Variants in PRDM1 observed in about 807,000 individuals in gnomAD.
PRDM1 encodes the protein PR/SET domain 1.
PRDM1 carries 13 observed loss-of-function variants against 62.8 expected under a neutral mutation model. The ratio of observed to expected loss-of-function variants is 0.21; its 90% CI spans 0.13 to 0.33. The LOEUF (loss-of-function observed/expected upper bound fraction) is 0.33. Ranked by LOEUF, PRDM1 falls within the 10% of genes least tolerant of loss-of-function variation. PRDM1 has a pLI of 1.00. For synonymous variants in PRDM1, 396 were observed against 417.6 expected (o/e 0.95, Z 0.63); for missense variants, 895 against 1,058.8 (o/e 0.85, Z 2.15).
intron 1 of PRDM1, among the ~76,000 whole-genome samples, chr6:106,000,155 A>G (rs117480495): frequency 0.017 from 2,589 of 152,330 alleles, 34 homozygotes; most frequent in South Asian, 0.036. Flanking sequence ...GGCATTATCT[A>G]TGTATTTCAA....
At chr6:106,062,639 T>C (rs1310406137) in intron 1 of PRDM1, among the ~76,000 whole-genome samples, 1 of 152,214 alleles carries the variant, frequency 6.6e-6, no homozygotes, top group African/African-American at 2.4e-5. Flanking sequence ...AGGTTTTGAA[T>C]AGCTTTCAAA....
chr6:106,029,838 C>T (rs1412607822), intron 1 of PRDM1, among the ~76,000 whole-genome samples: 1 of 152,016 alleles, frequency 6.6e-6, no homozygotes, highest in African/African-American at 2.4e-5. Context: ...AGGCTGGTCT[C>T]GAACCCCTGG....
At chr6:106,051,151 A>C (rs1209604953) in intron 1 of PRDM1, among the ~76,000 whole-genome samples, 1 of 152,238 alleles carries the variant, frequency 6.6e-6, no homozygotes, top group African/African-American at 2.4e-5. Flanking sequence ...ATTGAGCCCG[A>C]CTGAAGAGAA....
rs372214780 is a variant in PRDM1, at chr6:106,107,069, C to T, written c.2061C>T (p.His687=). The T allele has an allele frequency of 6.2e-7, 1 of 1,614,246 alleles. No homozygotes were observed. Among genetic ancestry groups the T allele is most frequent in the East Asian group, 2.2e-5 (1 of 44,890 alleles). Residue 687 remains histidine, a synonymous_variant, in exon 7 of 7, where the codon CAC becomes CAT. Transcript: ENST00000369096. ...HKRLHTRERP[H]KCSQCHKNYI... is the part of the protein sequence containing the mutation. ...GTCTGCACACCCGGGAGCGGCCCCACAAGTGCTCCCAGTGCCACAAGAACT... is the reference window on the plus strand; with the variant it reads ...GTCTGCACACCCGGGAGCGGCCCCATAAGTGCTCCCAGTGCCACAAGAACT...
Position 106,013,153 on chromosome 6 carries a change from A to T in PRDM1, c.-67+19514A>T, listed in dbSNP as rs571684092. Among the ~76,000 whole-genome samples, 153 of 151,152 alleles carry T rather than the reference A, an allele frequency of 1.0e-3. 2 individuals carry two copies. Among genetic ancestry groups the T allele is most frequent in the Admixed American group, 9.9e-3 (151 of 15,194 alleles). On this transcript the variant is annotated intron_variant, in intron 1 of 6. Transcript: ENST00000652320. ...ACCTCCTCAGCCTCCCAAAGTGCTGAGATTACAGGTGTGAGCCATCATGCC... is the reference window on the plus strand; with the variant it reads ...ACCTCCTCAGCCTCCCAAAGTGCTGTGATTACAGGTGTGAGCCATCATGCC...
At chr6:106,032,590 A>G (rs1009168328) in intron 1 of PRDM1, among the ~76,000 whole-genome samples, 1 of 152,108 alleles carries the variant, frequency 6.6e-6, no homozygotes, top group African/African-American at 2.4e-5. Context: ...GGCTTGTGCC[A>G]CCACACCCAG....
chr6:106,020,596 C>T (rs542932767), intron 1 of PRDM1, among the ~76,000 whole-genome samples: 2 of 152,260 alleles, frequency 1.3e-5, no homozygotes, highest in Admixed American at 6.5e-5. Context: ...TATAGACCAA[C>T]CTGGATCCAG....
chr6:106,050,609 T>C (rs1336392797), intron 1 of PRDM1, among the ~76,000 whole-genome samples: 1 of 152,244 alleles, frequency 6.6e-6, no homozygotes, highest in Non-Finnish European at 1.5e-5. Context: ...TGCTAGGTTC[T>C]CTCCCTTCAT....
rs375583412 is a variant in PRDM1 at position 106,098,876 on chromosome 6, AGCC to A, written c.412-422_412-420del. 368 of 1,513,502 alleles carry A rather than the reference AGCC, an allele frequency of 2.4e-4. 3 individuals carry two copies. In the East Asian group the frequency reaches 7.2e-3, roughly 29 times the overall value. 93.8% of individuals were successfully genotyped at this position (1,513,502 alleles called of 1,614,324 possible). A position where few individuals can be genotyped will look rare whatever the true frequency, so the allele number is the denominator to read the frequency against. On this transcript the variant is annotated intron_variant, in intron 3 of 6. Transcript: ENST00000369096. Reference sequence around the variant, plus strand: ...AGCTAAGACTCAGTTTGACGTCGTCAGCCGGCTTGGTCTTCTACCCAGTGACTC... The same window carrying A: ...AGCTAAGACTCAGTTTGACGTCGTCAGGCTTGGTCTTCTACCCAGTGACTC...
chr6:106,099,107 AGT>A (rs1423414368), intron 3 of PRDM1, 191 bp from the exon 4 acceptor site: 2 of 1,613,912 alleles, frequency 1.2e-6, no homozygotes, highest in Non-Finnish European at 8.5e-7. Context: ...AACTGACAAA[AGT>A]GTGCCTTACC....
chr6:106,062,722 T>G (rs1773363738), intron 1 of PRDM1, among the ~76,000 whole-genome samples: 1 of 152,202 alleles, frequency 6.6e-6, no homozygotes, highest in Non-Finnish European at 1.5e-5. Context: ...TTGACTAAGT[T>G]TTGGCTTGCT....
intron 1 of PRDM1, among the ~76,000 whole-genome samples, chr6:106,034,635 C>CTCTTTTT (rs745833853): frequency 0.012 from 1,039 of 88,282 alleles, 20 homozygotes; most frequent in Middle Eastern, 0.019. Flanking sequence ...TGTTCTCTCT[C>CTCTTTTT]TTTTTTTTTT....
intron 1 of PRDM1, among the ~76,000 whole-genome samples, chr6:106,058,082 C>G (rs1320286503): frequency 6.6e-6 from 1 of 152,176 alleles, no homozygotes; most frequent in African/African-American, 2.4e-5. Flanking sequence ...ACATACCACC[C>G]TGCACCAATA....
intron 1 of PRDM1, among the ~76,000 whole-genome samples, chr6:106,050,054 C>G (rs1462278503): frequency 6.6e-6 from 1 of 152,188 alleles, no homozygotes; most frequent in Non-Finnish European, 1.5e-5. Context: ...AGCTTGAATG[C>G]TAGTCTGAAC....
At chr6:106,104,678 A>C (rs988326520) in intron 4 of PRDM1, 147 bp from the exon 5 acceptor site, 2 of 1,049,520 alleles carry the variant, frequency 1.9e-6, no homozygotes, top group African/African-American at 3.2e-5. Flanking sequence ...AGAGCCTTCT[A>C]GAATGAGAGT....
chr6:106,082,132 C>A (rs1025548968), upstream of PRDM1, among the ~76,000 whole-genome samples: 3 of 152,200 alleles, frequency 2.0e-5, no homozygotes, highest in African/African-American at 7.2e-5. Flanking sequence ...GAGTGGACAC[C>A]TTTCCTATTG....
At chr6:106,098,952 C>T in intron 3 of PRDM1, 1 of 1,536,782 alleles carries the variant, frequency 6.5e-7, no homozygotes, top group Non-Finnish European at 8.8e-7. Flanking sequence ...GTAGCATCGC[C>T]CATTTGCCAT....
chr6:106,020,629 G>A (rs1021161674), intron 1 of PRDM1, among the ~76,000 whole-genome samples: 9 of 152,118 alleles, frequency 5.9e-5, no homozygotes, highest in Non-Finnish European at 1.3e-4. Context: ...AAACCTCTAA[G>A]TGTTCTTTGT....
Position 106,099,425 on chromosome 6 carries a change from G to A in PRDM1, c.537G>A (p.Gly179=), listed in dbSNP as rs763469212. 4 of 1,614,188 alleles carry A rather than the reference G, an allele frequency of 2.5e-6. No individual in the cohort carries two copies. Among genetic ancestry groups the A allele is most frequent in the Middle Eastern group, 1.6e-4 (1 of 6,062 alleles). Residue 179 remains glycine, a synonymous_variant, in exon 4 of 7, where the codon GGG becomes GGA. Transcript: ENST00000369096. ...AAAACCTGGCTGCGTGTCAGAACGG[G>A]ATGAACATCTACTTCTACACCATTA... ...REQNLAACQN[G]MNIYFYTIKP...
Sources: allele counts gnomAD v4.1 joint callset (sites outside exome capture counted in the v4.1 genomes callset), GRCh38; gene constraint gnomAD v4.1.1; transcripts MANE v1.5; gene names NCBI Gene and HGNC (gene_info 2026-07-23, HGNC 2026-07-21).